ATP8A1: variants seen among roughly 807,000 people sequenced by gnomAD.
ATP8A1 encodes the protein ATPase phospholipid transporting 8A1.
ATP8A1 carries 90 observed loss-of-function variants against 177.7 expected under a neutral mutation model. The ratio of observed to expected loss-of-function variants is 0.51; its 90% CI spans 0.43 to 0.60. The LOEUF (loss-of-function observed/expected upper bound fraction) is 0.60. ATP8A1 is among the 20% of genes least tolerant of loss of function. The pLI is 0.00. For missense variants in ATP8A1, 1,072 were observed against 1,392.8 expected (o/e 0.77, Z 3.67); for synonymous variants, 493 against 485.9 (o/e 1.01, Z -0.19).
At chr4:42,646,418 T>C (rs767947190) in intron 1 of ATP8A1, among the ~76,000 whole-genome samples, 1 of 152,144 alleles carries the variant, frequency 6.6e-6, no homozygotes, top group Non-Finnish European at 1.5e-5. Context: ...CTATGTGGGA[T>C]TGAGGAAGGG....
intron 25 of ATP8A1, among the ~76,000 whole-genome samples, chr4:42,476,019 G>A (rs1385068812): frequency 6.6e-6 from 1 of 151,632 alleles, no homozygotes; most frequent in Non-Finnish European, 1.5e-5. Flanking sequence ...CAGCCTGGGC[G>A]ACAGAGTGAG....
At chr4:42,467,852 GT>G (rs1312446062) in intron 25 of ATP8A1, among the ~76,000 whole-genome samples, 1 of 152,144 alleles carries the variant, frequency 6.6e-6, no homozygotes, top group Non-Finnish European at 1.5e-5. Context: ...TGATGGGATT[GT>G]TTTTTCTCTT....
intron 6 of ATP8A1, among the ~76,000 whole-genome samples, chr4:42,596,095 T>C (rs1734688926): frequency 6.6e-6 from 1 of 152,208 alleles, no homozygotes. Context: ...TCTTTCCTTT[T>C]GGATTCTGAG....
chr4:42,462,070 G>T (rs142973191), intron 27 of ATP8A1, among the ~76,000 whole-genome samples: 1,772 of 152,268 alleles, frequency 0.012, 38 homozygotes, highest in African/African-American at 0.041. Flanking sequence ...CTTGGGTGCT[G>T]TTAAAGGCAT....
chr4:42,591,551 G>T (rs7691804), intron 6 of ATP8A1, among the ~76,000 whole-genome samples: 146,114 of 152,212 alleles, frequency 0.96, 70,378 homozygotes, highest in East Asian at 1. Flanking sequence ...GAAGTCTAGA[G>T]AATGCATTGT....
At chr4:42,606,559 T>C (rs371174734) in intron 5 of ATP8A1, among the ~76,000 whole-genome samples, 10 of 152,266 alleles carry the variant, frequency 6.6e-5, no homozygotes, top group Middle Eastern at 6.8e-3. Flanking sequence ...AACAGCACAT[T>C]ATAAATCACC....
Position 42,581,648 on chromosome 4 carries a change from G to GT in ATP8A1, c.806dup (p.Tyr269Ter). 6.2e-7 allele frequency: 1 copy of GT among 1,614,034 alleles called. No homozygotes were observed. Among genetic ancestry groups the GT allele is most frequent in the South Asian group, 1.1e-5 (1 of 91,084 alleles). Residue 269 changes from tyrosine (Y) to a stop codon, truncating the protein, a stop_gained and frameshift_variant, in exon 10 of 37, where the codon TAC becomes TAAC. Transcript: ENST00000381668. LOFTEE classifies it high-confidence loss of function. ...NTQWVHGIVV[Y>*]TGHDTKLMQN... is the part of the protein sequence containing the mutation. ...GCATCAGCTTGGTGTCATGTCCAGT[G>GT]TAGACAACTATTCCATGAACCCACT...
intron 6 of ATP8A1, among the ~76,000 whole-genome samples, chr4:42,593,615 C>A (rs1207614323): frequency 6.6e-6 from 1 of 151,808 alleles, no homozygotes; most frequent in East Asian, 1.9e-4. Context: ...TGATAAACAA[C>A]CTCTAAAATA....
chr4:42,472,249 C>T lies in ATP8A1; in HGVS notation c.2325-7173G>A, dbSNP rs1042293920. ...AATCTGTGTGAAACTGGATGACAGC[C>T]GGCTCATAAAGGTTCATTTGGACAA... On this transcript the variant is annotated intron_variant, in intron 25 of 36. Coordinates refer to ENST00000381668, the MANE Select transcript of ATP8A1 (RefSeq NM_006095.2). The T allele has an allele frequency of 4.9e-5, 28 of 569,160 alleles. 1 individual carries two copies. Among genetic ancestry groups the T allele is most frequent in the South Asian group, 8.5e-5 (6 of 70,626 alleles). The allele number at this position is 569,160 out of a possible 1,614,324, so 35.3% of individuals were successfully genotyped here. A position where few individuals can be genotyped will look rare whatever the true frequency, so the allele number is the denominator to read the frequency against.
Position 42,600,474 on chromosome 4 carries a change from A to C in ATP8A1, c.450+4T>G. 6.2e-7 allele frequency: 1 copy of C among 1,610,320 alleles called. No homozygotes were observed. Among genetic ancestry groups the C allele is most frequent in the Non-Finnish European group, 8.5e-7 (1 of 1,178,494 alleles). On this transcript the variant is annotated splice_donor_region_variant and intron_variant, in intron 6 of 36. Coordinates refer to ENST00000381668, the MANE Select transcript of ATP8A1 (RefSeq NM_006095.2). ...CCTGGAACAAAATAAAAATCAGTGC[A>C]TACCTTTTCCCAGTGGACAATTTCC... is the stretch of plus-strand genomic sequence containing the variant.
intron 19 of ATP8A1, among the ~76,000 whole-genome samples, chr4:42,544,891 G>GTGGCTCA (rs1728735058): frequency 6.6e-6 from 1 of 152,174 alleles, no homozygotes; most frequent in Admixed American, 6.5e-5. Flanking sequence ...GCCTGGCACG[G>GTGGCTCA]TGGCTCATGC....
chr4:42,527,295 C>T (rs1465015288), intron 20 of ATP8A1, among the ~76,000 whole-genome samples: 1 of 152,084 alleles, frequency 6.6e-6, no homozygotes, highest in Non-Finnish European at 1.5e-5. Flanking sequence ...CAGGTGTCTA[C>T]TGTTAAAGGG....
chr4:42,579,946 A>C lies in ATP8A1; in HGVS notation c.867T>G (p.Asn289Lys). Residue 289 changes from asparagine (N) to lysine (K), a missense_variant, in exon 11 of 37, where the codon AAT (asparagine) becomes AAG (lysine). Transcript: ENST00000381668. ...NSTSPPLKLS[N>K]VERITNVQIL... ...TTTGTACATTTGTAATCCGTTCCAC[A>C]TTTGAGAGCTTAAGTGGTGGACTTG... 6 of 1,610,358 alleles carry C rather than the reference A, an allele frequency of 3.7e-6. No individual in the cohort carries two copies. Among genetic ancestry groups the C allele is most frequent in the Non-Finnish European group, 5.1e-6 (6 of 1,178,098 alleles).
At chr4:42,490,651 C>A (rs1190989870) in intron 24 of ATP8A1, among the ~76,000 whole-genome samples, 1 of 152,160 alleles carries the variant, frequency 6.6e-6, no homozygotes, top group Non-Finnish European at 1.5e-5. Flanking sequence ...CCTTTTGTTT[C>A]TTTCACTTCT....
Position 42,410,324 on chromosome 4 carries a change from A to C in ATP8A1, c.*2592T>G, listed in dbSNP as rs1025143744. 1.3e-5 allele frequency: 2 copies of C among 152,206 alleles called. No individual in the cohort carries two copies. The highest frequency in any genetic ancestry group is 2.9e-5 in the Non-Finnish European group (2 of 68,038). 9.4% of individuals were successfully genotyped at this position (152,206 alleles called of 1,614,324 possible). On this transcript the variant is annotated 3_prime_UTR_variant, in exon 37 of 37. Transcript: ENST00000381668. ...AAGTCGTATTGTCTGAATTGTAAAC[A>C]TTGTAAAGCAACTGTGTTAGCATTT...
chr4:42,569,179 C>G lies in ATP8A1; in HGVS notation c.1322G>C (p.Gly441Ala). ...YGHVPEPEDY[G>A]CSPDEWQNSQ... ...AGCTTACCATTCATCAGGAGAGCAGCCATAATCCTCAGGTTCAGGGACATG... is the reference window on the plus strand; with the variant it reads ...AGCTTACCATTCATCAGGAGAGCAGGCATAATCCTCAGGTTCAGGGACATG... Residue 441 changes from glycine (G) to alanine (A), a missense_variant, in exon 15 of 37, where the codon GGC becomes GCC. Gly to Ala is a moderately conservative substitution (Grantham distance 60, BLOSUM62 0). This residue lies in a region of ATP8A1 where 388 missense variants were observed against 471.7 expected (regional missense o/e 0.82). Coordinates refer to ENST00000381668, the MANE Select transcript of ATP8A1 (RefSeq NM_006095.2). The G allele has an allele frequency of 6.2e-7, 1 of 1,607,142 alleles. No homozygotes were observed. The highest frequency in any genetic ancestry group is 8.5e-7 in the Non-Finnish European group (1 of 1,176,558).
Position 42,627,553 on chromosome 4 carries a change from G to C in ATP8A1, c.50-444C>G, listed in dbSNP as rs148082750. ...ATGAAGACAGAAGAAAAGATAAATA[G>C]TAAGGTTTAAATAGAGAACTGCAAC... On this transcript the variant is annotated intron_variant, in intron 1 of 36. Transcript: ENST00000381668. 1.3e-3 allele frequency among the ~76,000 whole-genome samples: 202 copies of C among 152,296 alleles called. 1 individual carries two copies. The highest frequency in any genetic ancestry group is 4.7e-3 in the African/African-American group (195 of 41,570).
chr4:42,532,631 T>C (rs1727390111), intron 20 of ATP8A1, among the ~76,000 whole-genome samples: 1 of 152,076 alleles, frequency 6.6e-6, no homozygotes, highest in African/African-American at 2.4e-5. Flanking sequence ...ATGTTGAAAA[T>C]GGCAGATAGG....
At chr4:42,430,553 T>C (rs1004833659) in intron 33 of ATP8A1, among the ~76,000 whole-genome samples, 2 of 151,938 alleles carry the variant, frequency 1.3e-5, no homozygotes, top group Non-Finnish European at 2.9e-5. Flanking sequence ...ACTTGTGTCA[T>C]GGGGGTTTGA....
Sources: allele counts gnomAD v4.1 joint callset (sites outside exome capture counted in the v4.1 genomes callset), GRCh38; gene constraint gnomAD v4.1.1; regional missense constraint gnomAD v4.1.1; transcripts MANE v1.5; gene names NCBI Gene and HGNC (gene_info 2026-07-23, HGNC 2026-07-21).